The following ZBTB7C variants were observed in gnomAD, a reference collection of about 807,000 sequenced individuals.
The protein encoded by ZBTB7C is zinc finger and BTB domain containing 7C.
A neutral mutation model predicts 25.7 loss-of-function variants in ZBTB7C; 8 were observed. The observed-to-expected ratio is 0.31, with a 90% CI of 0.18 to 0.56. The LOEUF is 0.56. ZBTB7C is among the 20% of genes least tolerant of loss of function. The pLI, the probability that ZBTB7C is intolerant of heterozygous loss-of-function variation, is 0.91. For missense variants in ZBTB7C, 824 were observed against 855.2 expected, an observed-to-expected ratio of 0.96 and a Z score of 0.46; for synonymous variants, 394 against 369.0, an observed-to-expected ratio of 1.07 and a Z score of -0.78.
chr18:48,191,853 A>G (rs1178003909), intron 2 of ZBTB7C, among the ~76,000 whole-genome samples: 1 of 152,246 alleles, frequency 6.6e-6, no homozygotes, highest in Non-Finnish European at 1.5e-5. Context: ...CTTGGAATGC[A>G]AAATGGTACA....
chr18:48,162,076 A>G (rs1480346776), intron 3 of ZBTB7C, among the ~76,000 whole-genome samples: 1 of 138,168 alleles, frequency 7.2e-6, no homozygotes, highest in Non-Finnish European at 1.7e-5. Context: ...AGAGGGGCGA[A>G]CGCAGAGCCA....
chr18:48,318,335 G>T (rs2046002153), intron 2 of ZBTB7C, among the ~76,000 whole-genome samples: 1 of 151,012 alleles, frequency 6.6e-6, no homozygotes, highest in South Asian at 2.1e-4. Context: ...GTCCTCCCCT[G>T]CCCCCATCCC....
At position 48,207,570 on chromosome 18, in the gene ZBTB7C, CATCTATCT is replaced by C. The variant is rs35634878; in HGVS notation, c.-78-21583_-78-21576del. Among the ~76,000 whole-genome samples the C allele has an allele frequency of 9.6e-3, 1,413 of 147,110 alleles. 32 individuals carry two copies. The highest frequency in any genetic ancestry group is 0.087 in the East Asian group (434 of 4,990). ...TATCATCTATCTATCCACTGCCTAT[CATCTATCT>C]ATCTATCTATCTATCTATCTATCTA... On this transcript the variant is annotated intron_variant, in intron 2 of 4. Transcript: ENST00000590800.
chr18:48,228,982 T>C (rs2043181056), intron 2 of ZBTB7C, among the ~76,000 whole-genome samples: 1 of 151,916 alleles, frequency 6.6e-6, no homozygotes. Flanking sequence ...TCGAACCATC[T>C]GGAAACATAA....
intron 2 of ZBTB7C, among the ~76,000 whole-genome samples, chr18:48,186,753 G>A (rs1167074035): frequency 6.6e-6 from 1 of 152,172 alleles, no homozygotes; most frequent in Non-Finnish European, 1.5e-5. Context: ...TGATGCATAC[G>A]TGGATTTTTG....
chr18:48,083,289 A>G (rs758269251), intron 3 of ZBTB7C, among the ~76,000 whole-genome samples: 14 of 152,102 alleles, frequency 9.2e-5, no homozygotes, highest in Non-Finnish European at 1.8e-4. Context: ...TTGATTTCCA[A>G]GTAGCCCTCT....
In ZBTB7C at chr18:48,313,098, G is replaced by A. The variant is rs1448731327; in HGVS notation, c.-79+25076C>T. ...TTTTGTTATAACTATCACTCCTCTC[G>A]TCTCTTTATAAGTGTGAACCTAAGG... On this transcript the variant is annotated intron_variant, in intron 2 of 4. Coordinates refer to ENST00000590800, the MANE Select transcript of ZBTB7C (RefSeq NM_001318841.2). 3.3e-5 allele frequency among the ~76,000 whole-genome samples: 5 copies of A among 152,096 alleles called. No homozygotes were observed. The South Asian group carries it at 6.2e-4, about 19-fold the overall frequency.
Position 48,028,624 on chromosome 18 carries a change from C to T in ZBTB7C, c.*636G>A, listed in dbSNP as rs1163788860. 3 of 152,236 alleles carry T rather than the reference C, an allele frequency of 2.0e-5. No individual in the cohort carries two copies. The highest frequency in any genetic ancestry group is 7.2e-5 in the African/African-American group (3 of 41,422). 9.4% of individuals were successfully genotyped at this position (152,236 alleles called of 1,614,324 possible). A position where few individuals can be genotyped will look rare whatever the true frequency, so the allele number is the denominator to read the frequency against. ...ACCAGCCCCTTCCATAGCCAGGTGA[C>T]ACTGAGCTACAGAGGGCTGACCTGT... On this transcript the variant is annotated 3_prime_UTR_variant, in exon 5 of 5. Coordinates refer to ENST00000590800, the MANE Select transcript of ZBTB7C (RefSeq NM_001318841.2).
chr18:48,113,022 G>A (rs2039302454), intron 3 of ZBTB7C, among the ~76,000 whole-genome samples: 2 of 152,206 alleles, frequency 1.3e-5, no homozygotes, highest in Admixed American at 6.5e-5. Context: ...ATATGGTGTG[G>A]AGAACCCAAC....
intron 3 of ZBTB7C, among the ~76,000 whole-genome samples, chr18:48,178,384 G>T (rs989514828): frequency 2.0e-5 from 3 of 152,216 alleles, no homozygotes; most frequent in Non-Finnish European, 4.4e-5. Flanking sequence ...GGGCTACCAC[G>T]TCGGGCCTCT....
At chr18:48,228,343 G>A (rs1231589252) in intron 2 of ZBTB7C, among the ~76,000 whole-genome samples, 1 of 152,150 alleles carries the variant, frequency 6.6e-6, no homozygotes, top group Non-Finnish European at 1.5e-5. Flanking sequence ...GGTGAGCCCT[G>A]AGAGCAAATC....
intron 1 of ZBTB7C, among the ~76,000 whole-genome samples, chr18:48,362,854 A>G (rs749992325): frequency 1.6e-4 from 24 of 152,150 alleles, no homozygotes; most frequent in Non-Finnish European, 3.2e-4. Flanking sequence ...GGCTTCAACG[A>G]CCCACAAATA....
chr18:48,310,970 A>G (rs1158795963), intron 2 of ZBTB7C, among the ~76,000 whole-genome samples: 2 of 152,206 alleles, frequency 1.3e-5, no homozygotes, highest in Non-Finnish European at 2.9e-5. Flanking sequence ...TTTTCAGCCA[A>G]TTTGGGCAGT....
chr18:48,051,931 T>A (rs1311724926), intron 3 of ZBTB7C, among the ~76,000 whole-genome samples: 2 of 151,898 alleles, frequency 1.3e-5, no homozygotes, highest in Non-Finnish European at 2.9e-5. Flanking sequence ...TAGGGGGCAG[T>A]GGGGGGAGAC....
chr18:48,147,558 G>A (rs2040533043), intron 3 of ZBTB7C: 1 of 152,038 alleles, frequency 6.6e-6, no homozygotes, highest in African/African-American at 2.4e-5. Context: ...TACCAGCTTT[G>A]AGGAACCTCT....
In ZBTB7C at chr18:48,034,074, A is replaced by T. The variant is rs568991924; in HGVS notation, c.1209-4163T>A. On this transcript the variant is annotated intron_variant, in intron 4 of 4. Coordinates refer to ENST00000590800, the MANE Select transcript of ZBTB7C (RefSeq NM_001318841.2). ...CTGCCTGTGGAAGCAGCGTGAGTTT[A>T]GCTGGAATATGTTCTAGCTGGAATC... is the stretch of plus-strand genomic sequence containing the variant. Among the ~76,000 whole-genome samples, 5 of 152,288 alleles carry T rather than the reference A, an allele frequency of 3.3e-5. No individual in the cohort carries two copies. In the South Asian group the frequency reaches 1.0e-3, roughly 32 times the overall value.
intron 3 of ZBTB7C, among the ~76,000 whole-genome samples, chr18:48,158,872 C>T (rs926167607): frequency 5.9e-5 from 9 of 152,110 alleles, no homozygotes; most frequent in African/African-American, 7.2e-5. Context: ...AGCATGAAGC[C>T]GCTGGGGGAA....
At chr18:48,273,060 T>C (rs2044539753) in intron 2 of ZBTB7C, among the ~76,000 whole-genome samples, 4 of 152,190 alleles carry the variant, frequency 2.6e-5, no homozygotes, top group African/African-American at 9.7e-5. Context: ...GACGAAAACA[T>C]TCTGGAATTA....
chr18:48,043,260 C>CTT (rs747822994), intron 3 of ZBTB7C, among the ~76,000 whole-genome samples: 11 of 152,194 alleles, frequency 7.2e-5, no homozygotes, highest in Non-Finnish European at 1.6e-4. Flanking sequence ...GAAATGAAAT[C>CTT]TTATGTCCAT....
Sources: allele counts gnomAD v4.1 joint callset (sites outside exome capture counted in the v4.1 genomes callset), GRCh38; gene constraint gnomAD v4.1.1; transcripts MANE v1.5; gene names NCBI Gene and HGNC (gene_info 2026-07-23, HGNC 2026-07-21).